MEGF6: variants seen among roughly 807,000 people sequenced by gnomAD.
The protein encoded by MEGF6 is multiple epidermal growth factor-like domains protein 6.
MEGF6 carries 184 observed loss-of-function variants against 207.1 expected under a neutral mutation model. The observed-to-expected ratio is 0.89, with a 90% CI of 0.79 to 1.00. MEGF6 has a LOEUF of 1.00. Ranked by LOEUF, MEGF6 falls within the 50% of genes least tolerant of loss-of-function variation. The pLI is 0.00. For missense variants in MEGF6, 2,282 were observed against 2,202.9 expected (o/e 1.04, Z -0.72); for synonymous variants, 1,038 against 910.0 (o/e 1.14, Z -2.53).
intron 1 of MEGF6, among the ~76,000 whole-genome samples, chr1:3,610,473 C>T (rs1290831407): frequency 6.8e-6 from 1 of 146,338 alleles, no homozygotes; most frequent in African/African-American, 2.5e-5. Flanking sequence ...CCAGCGACTC[C>T]CCTCCTCCTC....
At chr1:3,500,891 C>T in intron 20 of MEGF6, 75 bp downstream of exon 20, 1 of 1,604,868 alleles carries the variant, frequency 6.2e-7, no homozygotes, top group African/African-American at 1.3e-5. Context: ...TCCTCGGGGG[C>T]CCTGGGCAGA....
At chr1:3,555,158 ACCACCCAC>A (rs146066678) in intron 4 of MEGF6, among the ~76,000 whole-genome samples, 1 of 149,336 alleles carries the variant, frequency 6.7e-6, no homozygotes. Flanking sequence ...GGTGGTCCCC[ACCACCCAC>A]CCACCCACCC....
chr1:3,569,724 C>G (rs1309117838), intron 4 of MEGF6, among the ~76,000 whole-genome samples: 1 of 152,242 alleles, frequency 6.6e-6, no homozygotes, highest in Non-Finnish European at 1.5e-5. Flanking sequence ...GACAGCCGTC[C>G]ATGCTATGGG....
intron 6 of MEGF6, among the ~76,000 whole-genome samples, chr1:3,515,102 C>T (rs901114763): frequency 2.0e-5 from 3 of 152,206 alleles, no homozygotes; most frequent in Non-Finnish European, 4.4e-5. Context: ...CTGAGTCTGC[C>T]GCACCGTCAC....
intron 7 of MEGF6, among the ~76,000 whole-genome samples, 180 bp downstream of exon 7, chr1:3,514,370 G>A (rs944201261): frequency 1.3e-5 from 2 of 152,108 alleles, no homozygotes; most frequent in African/African-American, 2.4e-5. Flanking sequence ...TCCTACCCTC[G>A]CCCCTCAGCC....
rs1307506647 is a variant in MEGF6, at chr1:3,560,287, G to A, written c.481+19538C>T. Among the ~76,000 whole-genome samples, 1 of 152,176 alleles carries A rather than the reference G, an allele frequency of 6.6e-6. No homozygotes were observed. Among genetic ancestry groups the A allele is most frequent in the Non-Finnish European group, 1.5e-5 (1 of 68,028 alleles). On this transcript the variant is annotated intron_variant, in intron 4 of 36. Coordinates refer to ENST00000356575, the MANE Select transcript of MEGF6 (RefSeq NM_001409.4). The surrounding 1 kb of genome is among the most constrained non-coding windows in gnomAD (Gnocchi z 4.0). ...ATTGGAATGACCGCTTGGTACAGCG[G>A]ACGAGCCCACGTTGACACATTGTTG...
At chr1:3,498,616 ACCTGGGAGCCCT>A in intron 25 of MEGF6, 70 bp downstream of exon 25, 1 of 1,486,898 alleles carries the variant, frequency 6.7e-7, no homozygotes. Context: ...CTGCCCCCTG[ACCTGGGAGCCCT>A]CCTAGGCCTG....
At chr1:3,590,437 C>T (rs1214280861) in intron 3 of MEGF6, among the ~76,000 whole-genome samples, 1 of 152,214 alleles carries the variant, frequency 6.6e-6, no homozygotes, top group Non-Finnish European at 1.5e-5. Context: ...CCACTGCACC[C>T]GGGCCACAGG....
intron 4 of MEGF6, among the ~76,000 whole-genome samples, chr1:3,541,230 A>G (rs934197937): frequency 3.3e-5 from 5 of 152,190 alleles, no homozygotes; most frequent in African/African-American, 1.2e-4. Flanking sequence ...TGAGCGTCAC[A>G]GAGCGGGGCT....
intron 4 of MEGF6, among the ~76,000 whole-genome samples, chr1:3,579,251 C>A (rs1032618874): frequency 6.6e-6 from 1 of 152,354 alleles, no homozygotes; most frequent in South Asian, 2.1e-4. Flanking sequence ...CGCATTGGCA[C>A]GCACTTTTCT....
chr1:3,530,065 G>A (rs1280153542), intron 4 of MEGF6, among the ~76,000 whole-genome samples: 1 of 152,212 alleles, frequency 6.6e-6, no homozygotes, highest in African/African-American at 2.4e-5. Flanking sequence ...AGCGCCCAGC[G>A]ACACCCAGCC....
At chr1:3,624,749 C>G in the MEGF6 span, 2 of 170,942 alleles carry the variant, frequency 1.2e-5, no homozygotes, top group East Asian at 1.6e-4. Context: ...CCGCGACACC[C>G]TGGCAACCGG....
intron 2 of MEGF6, among the ~76,000 whole-genome samples, chr1:3,599,437 A>G (rs374280955): frequency 3.9e-5 from 6 of 152,238 alleles, no homozygotes; most frequent in African/African-American, 1.2e-4. Context: ...CTGGAGAATT[A>G]CCAGTGGAAA....
intron 4 of MEGF6, among the ~76,000 whole-genome samples, chr1:3,540,044 G>A (rs955665811): frequency 9.9e-5 from 15 of 152,190 alleles, no homozygotes; most frequent in African/African-American, 2.2e-4. Flanking sequence ...TCTGGAGCAC[G>A]GCCACAGATG....
intron 30 of MEGF6, among the ~76,000 whole-genome samples, chr1:3,495,147 T>C (rs1472742431): frequency 6.6e-6 from 1 of 152,216 alleles, no homozygotes; most frequent in Middle Eastern, 3.2e-3. Flanking sequence ...CAGAGGTGGC[T>C]GGCTGTAGCC....
At chr1:3,568,250 T>C (rs770717905) in intron 4 of MEGF6, among the ~76,000 whole-genome samples, 1 of 151,994 alleles carries the variant, frequency 6.6e-6, no homozygotes, top group Non-Finnish European at 1.5e-5. Context: ...GAATGTGTCA[T>C]AGACACACTG....
rs751635485 is a variant in MEGF6 at position 3,512,067 on chromosome 1, C to T, written c.915G>A (p.Gly305=). The change falls in exon 8 of 37, where the codon GGG becomes GGA. Residue 305 remains glycine, a synonymous_variant. Coordinates refer to ENST00000356575, the MANE Select transcript of MEGF6 (RefSeq NM_001409.4). ...QCAHGCLNTQ[G]SFKCVCHAGY... ...CCGCGTGACACACGCACTTGAAGGA[C>T]CCCTGGGTGTTGAGGCAGCCATGGG... The T allele has an allele frequency of 2.5e-6, 4 of 1,612,630 alleles. No individual in the cohort carries two copies. In the South Asian group the frequency reaches 3.3e-5, roughly 13 times the overall value.
chr1:3,521,971 G>A (rs1361276785), intron 5 of MEGF6, among the ~76,000 whole-genome samples: 1 of 152,188 alleles, frequency 6.6e-6, no homozygotes, highest in Non-Finnish European at 1.5e-5. Flanking sequence ...GGGAGAGGAA[G>A]GCATTTCTCC....
chr1:3,541,648 C>T (rs1642525597), intron 4 of MEGF6, among the ~76,000 whole-genome samples: 1 of 152,212 alleles, frequency 6.6e-6, no homozygotes. Context: ...TCCTAGCCCG[C>T]AGCCCTCGGT....
Sources: gnomAD v4.1 joint callset for allele counts (sites outside exome capture counted in the v4.1 genomes callset) on GRCh38, gnomAD v4.1.1 for gene constraint, Gnocchi (gnomAD v3.1) non-coding constraint, MANE v1.5 for transcripts, NCBI Gene and HGNC (gene_info 2026-07-23, HGNC 2026-07-21) for gene names.